ABCC11: variants seen among roughly 807,000 people sequenced by gnomAD.
ABCC11 encodes ATP binding cassette subfamily C member 11.
Under a neutral mutation model 149.3 loss-of-function variants are expected in ABCC11, and 135 were observed. That is an observed-to-expected ratio of 0.90 (90% CI 0.79 to 1.04). The LOEUF is 1.04. ABCC11 is among the 50% of genes least tolerant of loss of function. The probability of loss-of-function intolerance (pLI) is 0.00; values close to 1 mark genes in which losing one functional copy is unlikely to be tolerated. For missense variants in ABCC11, 1,680 were observed against 1,722.1 expected, an observed-to-expected ratio of 0.98 and a Z score of 0.43; for synonymous variants, 665 against 671.4, an observed-to-expected ratio of 0.99 and a Z score of 0.15.
In ABCC11 at chr16:48,198,011, A is replaced by G. The variant is rs1371323916; in HGVS notation, c.2274T>C (p.Ala758=). 2 of 1,614,064 alleles carry G rather than the reference A, an allele frequency of 1.2e-6. No homozygotes were observed. Among genetic ancestry groups the G allele is most frequent in the African/African-American group, 1.3e-5 (1 of 74,930 alleles). The change falls in exon 17 of 30, where the codon GCT becomes GCC. Residue 758 remains alanine, a synonymous_variant. Transcript: ENST00000356608. The stretch of plus-strand genomic sequence containing the variant: ...GAGACTCTTCCAGGGAGGTGGCCAG[A>G]GCCTGACTTTCTACCTTTGGCTTCT... The part of the protein sequence containing the change: ...IAEKPKVESQ[A]LATSLEESLN...
rs138989812 is a variant in ABCC11 at position 48,236,615 on chromosome 16, A to G, written c.-18-4676T>C. 3.9e-5 allele frequency among the ~76,000 whole-genome samples: 6 copies of G among 152,366 alleles called. No individual in the cohort carries two copies. The East Asian group carries it at 1.2e-3, about 29-fold the overall frequency. On this transcript the variant is annotated intron_variant, in intron 1 of 29. Transcript: ENST00000356608. ...TATTCAATGGATCAATGAATGAAGT[A>G]CATGCAGAGTCTGTCAAAAAAGGAG...
intron 14 of ABCC11, 49 bp downstream of exon 14, chr16:48,203,179 A>G (rs1811758438): frequency 1.3e-6 from 2 of 1,508,856 alleles, no homozygotes; most frequent in Admixed American, 3.9e-5. Flanking sequence ...CAGCATGAAC[A>G]TAAGAGCACC....
At chr16:48,217,186 T>C (rs906435958) in intron 6 of ABCC11, among the ~76,000 whole-genome samples, 1 of 152,160 alleles carries the variant, frequency 6.6e-6, no homozygotes, top group Non-Finnish European at 1.5e-5. Flanking sequence ...TTCCAGAGAA[T>C]TGCTTCTATT....
At chr16:48,208,343 G>T in intron 12 of ABCC11, 82 bp downstream of exon 12, 1 of 1,516,660 alleles carries the variant, frequency 6.6e-7, no homozygotes, top group Non-Finnish European at 9.1e-7. Context: ...GAAAGCAGTG[G>T]GGGGCCCCGC....
chr16:48,214,705 C>G (rs1969195962), intron 9 of ABCC11, among the ~76,000 whole-genome samples, 176 bp downstream of exon 9: 1 of 152,178 alleles, frequency 6.6e-6, no homozygotes, highest in Non-Finnish European at 1.5e-5. Context: ...CAAGATGTCA[C>G]TTTTTCAGAT....
chr16:48,219,793 C>T (rs1969610952), intron 6 of ABCC11, among the ~76,000 whole-genome samples: 1 of 152,084 alleles, frequency 6.6e-6, no homozygotes, highest in Admixed American at 6.6e-5. Context: ...CCAGCCTGGC[C>T]AACATGGTGA....
intron 1 of ABCC11, chr16:48,244,703 G>A (rs1810087780): frequency 1.9e-6 from 2 of 1,034,238 alleles, no homozygotes; most frequent in South Asian, 2.6e-5. Flanking sequence ...CCTGCCTTGA[G>A]CGCGAGGCTC....
Position 48,170,891 on chromosome 16 carries a change from C to T in ABCC11, c.3775G>A (p.Ala1259Thr). The T allele has an allele frequency of 6.2e-7, 1 of 1,613,088 alleles. No individual in the cohort carries two copies. The highest frequency in any genetic ancestry group is 8.5e-7 in the Non-Finnish European group (1 of 1,179,068). ...ACTTGGGCCTTGGAGCTACTTACGG[C>T]CTTGGTCAGGAATGTCCTCTCCAAG... ...DALERTFLTK[A>T]ISKFPKKLHT... Residue 1259 changes from alanine (A) to threonine (T), a missense_variant and splice_region_variant, in exon 27 of 30, where the codon GCC (alanine) becomes ACC (threonine). Transcript: ENST00000356608.
intron 19 of ABCC11, 30 bp from the exon 20 acceptor site, chr16:48,192,747 AGGTGTCCG>A: frequency 6.2e-7 from 1 of 1,608,712 alleles, no homozygotes; most frequent in Non-Finnish European, 8.5e-7. Flanking sequence ...GTCTGACTGC[AGGTGTCCG>A]GGGGAAATTC....
At chr16:48,244,212 G>A (rs570497763) in intron 1 of ABCC11, 3 of 517,236 alleles carry the variant, frequency 5.8e-6, no homozygotes, top group East Asian at 3.5e-5. Flanking sequence ...GTCTTACCGG[G>A]AGGCTCTCCT....
At chr16:48,193,759 T>A in intron 19 of ABCC11, 120 bp downstream of exon 19, 2 of 794,212 alleles carry the variant, frequency 2.5e-6, no homozygotes, top group Non-Finnish European at 4.0e-6. Flanking sequence ...GAACACCAGC[T>A]CTGGGCTTGT....
At chr16:48,187,917 A>T (rs1966840408) in intron 20 of ABCC11, among the ~76,000 whole-genome samples, 2 of 152,084 alleles carry the variant, frequency 1.3e-5, no homozygotes, top group South Asian at 4.1e-4. Context: ...GACTAGCTAA[A>T]ACAGGGGTGG....
At chr16:48,204,283 T>G (rs1968246362) in intron 13 of ABCC11, among the ~76,000 whole-genome samples, 1 of 152,126 alleles carries the variant, frequency 6.6e-6, no homozygotes, top group Admixed American at 6.5e-5. Flanking sequence ...AGCTGGGACT[T>G]AGGATGATTG....
At chr16:48,230,330 G>A in intron 3 of ABCC11, 107 bp downstream of exon 3, 2 of 1,365,114 alleles carry the variant, frequency 1.5e-6, no homozygotes, top group Admixed American at 2.6e-5. Flanking sequence ...GGATTTGGCT[G>A]TGTAGGGATG....
chr16:48,194,348 T>A (rs1226782118), intron 18 of ABCC11, among the ~76,000 whole-genome samples: 1 of 152,186 alleles, frequency 6.6e-6, no homozygotes, highest in Non-Finnish European at 1.5e-5. Flanking sequence ...TCTAGAGAAG[T>A]TAGTTCACCT....
At chr16:48,241,599 C>G (rs566594337) in intron 1 of ABCC11, among the ~76,000 whole-genome samples, 19 of 152,256 alleles carry the variant, frequency 1.2e-4, no homozygotes, top group African/African-American at 3.6e-4. Flanking sequence ...CAATCGTAAG[C>G]CAAAAGAACA....
At chr16:48,233,723 T>C (rs1567292527) in intron 1 of ABCC11, among the ~76,000 whole-genome samples, 1 of 152,202 alleles carries the variant, frequency 6.6e-6, no homozygotes, top group Admixed American at 6.5e-5. Flanking sequence ...AATTTCAGAG[T>C]GCAAGTCTCA....
intron 6 of ABCC11, among the ~76,000 whole-genome samples, chr16:48,222,126 G>T (rs1219059765): frequency 6.8e-6 from 1 of 147,040 alleles, no homozygotes; most frequent in African/African-American, 2.5e-5. Context: ...ATAGGGTCTT[G>T]CCATGTTGCC....
chr16:48,230,904 A>T (rs1018145702), intron 2 of ABCC11, among the ~76,000 whole-genome samples: 1 of 152,226 alleles, frequency 6.6e-6, no homozygotes, highest in African/African-American at 2.4e-5. Flanking sequence ...GGGTAAATCT[A>T]CTAAAAAGAA....
Sources: allele counts gnomAD v4.1 joint callset (sites outside exome capture counted in the v4.1 genomes callset), GRCh38; gene constraint gnomAD v4.1.1; transcripts MANE v1.5; gene names NCBI Gene and HGNC (gene_info 2026-07-23, HGNC 2026-07-21).